PTPRT: variants seen among roughly 807,000 people sequenced by gnomAD.
PTPRT encodes the protein receptor-type tyrosine-protein phosphatase T.
Under a neutral mutation model 176.8 loss-of-function variants are expected in PTPRT, and 56 were observed. The ratio of observed to expected loss-of-function variants is 0.32; its 90% CI spans 0.26 to 0.40. The LOEUF (loss-of-function observed/expected upper bound fraction) is 0.40. Among genes scored for constraint, PTPRT ranks in the 10% least tolerant of loss-of-function variants. The pLI is 1.00. For synonymous variants in PTPRT, 783 were observed against 739.0 expected (o/e 1.06, Z -0.96); for missense variants, 1,540 against 1,908.2 (o/e 0.81, Z 3.60).
At chr20:42,228,168 A>G (rs897637349) in intron 15 of PTPRT, among the ~76,000 whole-genome samples, 1 of 152,222 alleles carries the variant, frequency 6.6e-6, no homozygotes, top group Admixed American at 6.5e-5. Context: ...GGTTTTTGCC[A>G]TTAAAGGTAC....
intron 6 of PTPRT, among the ~76,000 whole-genome samples, chr20:42,694,303 G>C (rs2075838700): frequency 6.6e-6 from 1 of 152,142 alleles, no homozygotes; most frequent in Non-Finnish European, 1.5e-5. Flanking sequence ...CTCCTAAAGT[G>C]CTGGGATTAC....
Position 42,722,523 on chromosome 20 carries a change from C to T in PTPRT, c.859+33939G>A, listed in dbSNP as rs529869710. ...GAAACTTCCCAAAAGAAATGCCTGT[C>T]GATTCCACTTTCTGCACCCTCGCTG... On this transcript the variant is annotated intron_variant, in intron 6 of 30. Coordinates refer to ENST00000373187, the MANE Select transcript of PTPRT (RefSeq NM_007050.6). 1.1e-3 allele frequency among the ~76,000 whole-genome samples: 172 copies of T among 152,290 alleles called. No individual in the cohort carries two copies. In the Middle Eastern group the frequency reaches 0.014, roughly 12 times the overall value.
rs1227303924 is a variant in PTPRT, at chr20:42,079,987, C to T, written c.*892G>A. The T allele has an allele frequency of 4.3e-6, 1 of 232,168 alleles. No homozygotes were observed. Among genetic ancestry groups the T allele is most frequent in the Non-Finnish European group, 8.5e-6 (1 of 117,338 alleles). 14.4% of individuals were successfully genotyped at this position (232,168 alleles called of 1,614,324 possible). A position where few individuals can be genotyped will look rare whatever the true frequency, so the allele number is the denominator to read the frequency against. On this transcript the variant is annotated 3_prime_UTR_variant, in exon 31 of 31. Transcript: ENST00000373187. Reference sequence around the variant, plus strand: ...CCCTCCAAAAGAAAGTTTCTTTTCACATACACTTTGGAAAATAATCAAATC... The same window carrying T: ...CCCTCCAAAAGAAAGTTTCTTTTCATATACACTTTGGAAAATAATCAAATC...
intron 15 of PTPRT, among the ~76,000 whole-genome samples, chr20:42,226,537 G>C (rs2056015720): frequency 6.6e-6 from 1 of 152,152 alleles, no homozygotes; most frequent in South Asian, 2.1e-4. Flanking sequence ...ACATTGAGGG[G>C]CTTAACTAAA....
intron 1 of PTPRT, among the ~76,000 whole-genome samples, chr20:42,957,029 T>C (rs1205057582): frequency 2.0e-5 from 3 of 152,270 alleles, no homozygotes; most frequent in East Asian, 3.9e-4. Context: ...AGTGGTTTCA[T>C]TGGGAGATTC....
chr20:43,129,598 C>T (rs1233703750), intron 1 of PTPRT, among the ~76,000 whole-genome samples: 9 of 151,060 alleles, frequency 6.0e-5, no homozygotes, highest in Non-Finnish European at 8.9e-5. Context: ...CTCCCCTCCC[C>T]GACTCCAAAG....
chr20:42,509,013 T>C (rs1437155839), intron 7 of PTPRT, among the ~76,000 whole-genome samples: 1 of 107,318 alleles, frequency 9.3e-6, no homozygotes, highest in Admixed American at 1.2e-4. Flanking sequence ...AATTATATAA[T>C]TTATATTTAA....
intron 13 of PTPRT, among the ~76,000 whole-genome samples, chr20:42,261,869 T>A (rs886091137): frequency 1.3e-5 from 2 of 152,170 alleles, no homozygotes; most frequent in Non-Finnish European, 2.9e-5. Context: ...GATCTGCCCA[T>A]CTGGGGCAGC....
intron 1 of PTPRT, among the ~76,000 whole-genome samples, chr20:43,122,324 G>C (rs1371041093): frequency 6.6e-6 from 1 of 152,136 alleles, no homozygotes; most frequent in Non-Finnish European, 1.5e-5. Flanking sequence ...ACTCCCTCTT[G>C]GTCCTCTGTC....
chr20:42,854,473 C>T (rs2145772061), intron 2 of PTPRT, among the ~76,000 whole-genome samples: 1 of 152,312 alleles, frequency 6.6e-6, no homozygotes, highest in Non-Finnish European at 1.5e-5. Flanking sequence ...CAGGAAGCTT[C>T]CCTAGGCACA....
intron 7 of PTPRT, among the ~76,000 whole-genome samples, chr20:42,606,540 T>C (rs1005448136): frequency 2.0e-5 from 3 of 152,332 alleles, no homozygotes; most frequent in African/African-American, 4.8e-5. Context: ...CTCCATTCTG[T>C]CAGTGAACTG....
At chr20:42,609,768 A>G (rs2073942933) in intron 7 of PTPRT, among the ~76,000 whole-genome samples, 1 of 152,196 alleles carries the variant, frequency 6.6e-6, no homozygotes, top group East Asian at 1.9e-4. Context: ...TGGCAGACAA[A>G]TAAGAGCAGA....
chr20:42,845,185 T>C (rs980010767), intron 2 of PTPRT, among the ~76,000 whole-genome samples: 2 of 152,168 alleles, frequency 1.3e-5, no homozygotes, highest in African/African-American at 4.8e-5. Context: ...GTCAGACCAG[T>C]GCCTTGCTCG....
Position 42,634,468 on chromosome 20 carries a change from C to T in PTPRT, c.1153+43398G>A, listed in dbSNP as rs537957424. 5.9e-5 allele frequency among the ~76,000 whole-genome samples: 9 copies of T among 151,948 alleles called. No homozygotes were observed. In the South Asian group the frequency reaches 1.9e-3, roughly 32 times the overall value. On this transcript the variant is annotated intron_variant, in intron 7 of 30. Coordinates refer to ENST00000373187, the MANE Select transcript of PTPRT (RefSeq NM_007050.6). ...CTTCCCAGGAGAGGTACCAGACCCA[C>T]ATGAGACTTCACATGATTATAAAAT... is the stretch of plus-strand genomic sequence containing the variant.
intron 9 of PTPRT, among the ~76,000 whole-genome samples, chr20:42,437,146 C>T (rs2059269351): frequency 6.6e-6 from 1 of 152,132 alleles, no homozygotes; most frequent in African/African-American, 2.4e-5. Flanking sequence ...TGTCAGCATT[C>T]TGGTTGTCTT....
At chr20:42,623,254 C>T (rs1383828450) in intron 7 of PTPRT, among the ~76,000 whole-genome samples, 1 of 152,182 alleles carries the variant, frequency 6.6e-6, no homozygotes, top group African/African-American at 2.4e-5. Context: ...AAAGAGCATG[C>T]TGTAACATGC....
intron 11 of PTPRT, among the ~76,000 whole-genome samples, chr20:42,320,081 TA>T (rs764320427): frequency 5.3e-5 from 8 of 152,224 alleles, no homozygotes; most frequent in Non-Finnish European, 1.0e-4. Flanking sequence ...GTTTTTTCAT[TA>T]CTTATGCCAA....
At chr20:42,329,629 A>G (rs1275559019) in intron 11 of PTPRT, among the ~76,000 whole-genome samples, 1 of 152,114 alleles carries the variant, frequency 6.6e-6, no homozygotes, top group East Asian at 1.9e-4. Flanking sequence ...CTCCCCAAAC[A>G]TCATTAAAAT....
intron 6 of PTPRT, among the ~76,000 whole-genome samples, chr20:42,708,842 G>C (rs2076100358): frequency 6.6e-6 from 1 of 152,184 alleles, no homozygotes. Context: ...CCTGAAATGG[G>C]TGATGACTAC....
Sources: allele counts gnomAD v4.1 joint callset (sites outside exome capture counted in the v4.1 genomes callset), GRCh38; gene constraint gnomAD v4.1.1; transcripts MANE v1.5; gene names NCBI Gene and HGNC (gene_info 2026-07-23, HGNC 2026-07-21).